MED23: variants seen among roughly 807,000 people sequenced by gnomAD.
The protein encoded by MED23 is mediator complex subunit 23.
MED23 carries 105 observed loss-of-function variants against 163.9 expected under a neutral mutation model. That is an observed-to-expected ratio of 0.64 (90% CI 0.55 to 0.75). The LOEUF (loss-of-function observed/expected upper bound fraction) is 0.75, where lower values mean the gene tolerates loss of function less well. MED23 is among the 30% of genes least tolerant of loss of function. The probability of loss-of-function intolerance (pLI) is 0.00; values close to 1 mark genes in which losing one functional copy is unlikely to be tolerated. For synonymous variants in MED23, 561 were observed against 565.6 expected, an observed-to-expected ratio of 0.99 and a Z score of 0.12; for missense variants, 1,054 against 1,649.0, an observed-to-expected ratio of 0.64 and a Z score of 6.25.
At chr6:131,620,297 T>C (rs1009361466) in intron 7 of MED23, among the ~76,000 whole-genome samples, 4 of 152,158 alleles carry the variant, frequency 2.6e-5, no homozygotes, top group Admixed American at 2.6e-4. Flanking sequence ...ATACCCTTTT[T>C]TGTGTGTGAG....
At position 131,598,121 on chromosome 6, in the gene MED23, A is replaced by G; in HGVS notation, c.2607+166T>C. On this transcript the variant is annotated intron_variant, in intron 20 of 28. Transcript: ENST00000368068. The surrounding 1 kb of genome is among the most constrained non-coding windows in gnomAD (Gnocchi z 4.7). ...CAAACAAAAAAACAAAAACAAACAA[A>G]AACAGAAATTGGAAAATTTCCGGCT... 4 of 756,152 alleles carry G rather than the reference A, an allele frequency of 5.3e-6. No homozygotes were observed. Among genetic ancestry groups the G allele is most frequent in the Non-Finnish European group, 8.7e-6 (4 of 461,490 alleles). 46.8% of individuals were successfully genotyped at this position (756,152 alleles called of 1,614,324 possible). A position where few individuals can be genotyped will look rare whatever the true frequency, so the allele number is the denominator to read the frequency against.
downstream of MED23, among the ~76,000 whole-genome samples, chr6:131,584,726 T>C (rs552936723): frequency 9.2e-5 from 14 of 151,936 alleles, no homozygotes; most frequent in Non-Finnish European, 2.1e-4. Flanking sequence ...CTCACACCTG[T>C]AATCCCAGCA....
chr6:131,627,164 T>G (rs1278924009), intron 3 of MED23: 3 of 466,204 alleles, frequency 6.4e-6, no homozygotes, highest in Non-Finnish European at 1.1e-5. Flanking sequence ...AGGTTTTTTT[T>G]TTTAAACATC....
At chr6:131,579,829 C>CGTGT (rs367611464) in intron 30 of MED23, among the ~76,000 whole-genome samples, 6 of 149,426 alleles carry the variant, frequency 4.0e-5, no homozygotes, top group Non-Finnish European at 8.9e-5. Flanking sequence ...CTTTGTTTAA[C>CGTGT]GTGTGTGTGT....
At chr6:131,580,585 G>A (rs1448655220) in intron 30 of MED23, among the ~76,000 whole-genome samples, 1 of 152,170 alleles carries the variant, frequency 6.6e-6, no homozygotes, top group Non-Finnish European at 1.5e-5. Flanking sequence ...TATCATTTAT[G>A]TCTTCCATTC....
rs1040317149 is a variant in MED23 at position 131,615,260 on chromosome 6, T to C, written c.876+647A>G. On this transcript the variant is annotated intron_variant, in intron 10 of 28. Coordinates refer to ENST00000368068, the MANE Select transcript of MED23 (RefSeq NM_004830.4). ...CCATACACGTATTCTCTAAATGGAATCAGTGGCTACAAAGCGGCCAGCGTA... is the reference window on the plus strand; with the variant it reads ...CCATACACGTATTCTCTAAATGGAACCAGTGGCTACAAAGCGGCCAGCGTA... 4.4e-6 allele frequency: 7 copies of C among 1,577,356 alleles called. No individual in the cohort carries two copies. In the African/African-American group the frequency reaches 8.1e-5, roughly 18 times the overall value.
At chr6:131,620,821 A>C in intron 6 of MED23, 92 bp from the exon 7 acceptor site, 1 of 661,298 alleles carries the variant, frequency 1.5e-6, no homozygotes, top group South Asian at 2.0e-5. Flanking sequence ...TTTTTTTTTG[A>C]GACAGGGTCT....
chr6:131,589,748 A>T, intron 27 of MED23, 152 bp from the exon 28 acceptor site: 7 of 733,854 alleles, frequency 9.5e-6, no homozygotes. Context: ...TGCACATGAG[A>T]TATGATATGG....
At chr6:131,590,924 G>C (rs1774570472) in intron 26 of MED23, among the ~76,000 whole-genome samples, 1 of 146,402 alleles carries the variant, frequency 6.8e-6, no homozygotes, top group Admixed American at 7.0e-5. Context: ...GCCGCAAGTT[G>C]TTCTAATGAA....
Position 131,590,440 on chromosome 6 carries a change from A to T in MED23, c.3689T>A (p.Phe1230Tyr). Residue 1230 changes from phenylalanine to tyrosine, a missense_variant and splice_region_variant, in exon 27 of 29, where the codon TTT (phenylalanine) becomes TAT (tyrosine). This residue lies in a region of MED23 where 362 missense variants were observed against 471.6 expected (regional missense o/e 0.77). Transcript: ENST00000368068. The stretch of plus-strand genomic sequence containing the variant: ...TATAGGAAGAAGTACTTCAGTAAGA[A>T]ACCTAAAATTTGAAGATAAAAATCT... Reference protein sequence around the residue: ...SIGQLSLIPKFLTEVLLPIVK... With the variant: ...SIGQLSLIPKYLTEVLLPIVK... The T allele has an allele frequency of 6.2e-7, 1 of 1,602,668 alleles. No individual in the cohort carries two copies. Among genetic ancestry groups the T allele is most frequent in the East Asian group, 2.2e-5 (1 of 44,628 alleles).
In MED23 at chr6:131,586,807, C is replaced by G. The variant is rs942001592; in HGVS notation, c.*872G>C. On this transcript the variant is annotated 3_prime_UTR_variant, in exon 29 of 29. Transcript: ENST00000368068. Reference sequence around the variant, plus strand: ...TTTCAAGTCTTTCGCAATGCCAATTCCCCCAAAATTAACAATGTCTCTCAA... The same window carrying G: ...TTTCAAGTCTTTCGCAATGCCAATTGCCCCAAAATTAACAATGTCTCTCAA... 3.3e-6 allele frequency: 5 copies of G among 1,512,574 alleles called. No homozygotes were observed. The highest frequency in any genetic ancestry group is 2.8e-5 in the African/African-American group (2 of 72,102). 93.7% of individuals were successfully genotyped at this position (1,512,574 alleles called of 1,614,324 possible). A position where few individuals can be genotyped will look rare whatever the true frequency, so the allele number is the denominator to read the frequency against.
intron 13 of MED23, among the ~76,000 whole-genome samples, 195 bp downstream of exon 13, chr6:131,606,284 C>G (rs1775849538): frequency 6.6e-6 from 1 of 151,736 alleles, no homozygotes; most frequent in Non-Finnish European, 1.5e-5. Context: ...ATAAGCAAGA[C>G]TAACCTTGTA....
At chr6:131,583,726 C>G, downstream of MED23, 2 of 1,611,192 alleles carry the variant, frequency 1.2e-6, no homozygotes, top group Non-Finnish European at 1.7e-6. Context: ...TACATTATTA[C>G]AATTTGTTGT....
rs143443166 is a variant in MED23 at position 131,586,830 on chromosome 6, C to T, written c.*849G>A. 6.6e-7 allele frequency: 1 copy of T among 1,518,350 alleles called. No homozygotes were observed. Among genetic ancestry groups the T allele is most frequent in the Non-Finnish European group, 8.9e-7 (1 of 1,124,068 alleles). The allele number at this position is 1,518,350 out of a possible 1,614,324, so 94.1% of individuals were successfully genotyped here. ...TTCCCCCAAAATTAACAATGTCTCT[C>T]AAAATCCAAGAAATAAAATGTGTAC... On this transcript the variant is annotated 3_prime_UTR_variant, in exon 29 of 29. Coordinates refer to ENST00000368068, the MANE Select transcript of MED23 (RefSeq NM_004830.4).
rs1776974317 is a variant in MED23, at chr6:131,619,988, G to A, written c.598-92C>T. On this transcript the variant is annotated intron_variant, in intron 7 of 28. Transcript: ENST00000368068. ...AAATATATGAACATTTATATAAAAT[G>A]AGATAATATATGTAAAGATTGCACA... The A allele has an allele frequency of 3.7e-6, 3 of 815,596 alleles. No individual in the cohort carries two copies. In the Admixed American group the frequency reaches 5.4e-5, roughly 15 times the overall value. The allele number at this position is 815,596 out of a possible 1,614,324, so 50.5% of individuals were successfully genotyped here.
At chr6:131,582,751 T>C (rs766172319), downstream of MED23, 6 of 1,590,758 alleles carry the variant, frequency 3.8e-6, no homozygotes, top group Non-Finnish European at 5.2e-6. Flanking sequence ...GCCTCCATTT[T>C]TGTCCCTTTG....
intron 30 of MED23, among the ~76,000 whole-genome samples, chr6:131,578,238 T>C (rs1476435254): frequency 6.6e-6 from 1 of 151,636 alleles, no homozygotes; most frequent in Non-Finnish European, 1.5e-5. Context: ...ACAGAATGCT[T>C]GGGTAATGGA....
At position 131,616,001 on chromosome 6, in the gene MED23, T is replaced by C. The variant is rs1435106235; in HGVS notation, c.782A>G (p.Asp261Gly). ...PLKGLLPYDKDLFEPQTALLR... is the reference protein window; with the variant it reads ...PLKGLLPYDKGLFEPQTALLR... ...CAAAGCAGTCTGTGGTTCAAACAGA[T>C]CCTTTAAAGAAAATAAGAAAATCAT... The change falls in exon 10 of 29, where the codon GAT becomes GGT. Residue 261 changes from aspartate to glycine, a missense_variant and splice_region_variant. By Grantham distance (94) the Asp-to-Gly change is moderately conservative (BLOSUM62 -1). Transcript: ENST00000368068. The C allele has an allele frequency of 6.2e-7, 1 of 1,608,022 alleles. No homozygotes were observed. The highest frequency in any genetic ancestry group is 1.7e-5 in the Admixed American group (1 of 59,944).
intron 14 of MED23, 143 bp from the exon 15 acceptor site, chr6:131,604,463 C>T (rs1463937982): frequency 1.0e-6 from 1 of 975,652 alleles, no homozygotes; most frequent in Non-Finnish European, 1.5e-6. Context: ...TTAAGCTGTG[C>T]AGGACACTTG....
Sources: gnomAD v4.1 joint callset for allele counts (sites outside exome capture counted in the v4.1 genomes callset) on GRCh38, gnomAD v4.1.1 for gene constraint, gnomAD v4.1.1 regional missense constraint, Gnocchi (gnomAD v3.1) non-coding constraint, MANE v1.5 for transcripts, NCBI Gene and HGNC (gene_info 2026-07-23, HGNC 2026-07-21) for gene names.